The following ST18 variants were observed in gnomAD, a reference collection of about 807,000 sequenced individuals.
The protein encoded by ST18 is suppression of tumorigenicity 18 protein.
ST18 carries 50 observed loss-of-function variants against 110.0 expected under a neutral mutation model. That is an observed-to-expected ratio of 0.45 (90% CI 0.36 to 0.58). The LOEUF is 0.58. Among genes scored for constraint, ST18 ranks in the 20% least tolerant of loss-of-function variants. The probability of loss-of-function intolerance (pLI) is 0.00; values close to 1 mark genes in which losing one functional copy is unlikely to be tolerated. For missense variants in ST18, 1,306 were observed against 1,280.1 expected (o/e 1.02, Z -0.31); for synonymous variants, 461 against 452.4 (o/e 1.02, Z -0.24).
chr8:52,169,472 A>C (rs1435112857), intron 10 of ST18, among the ~76,000 whole-genome samples: 1 of 152,162 alleles, frequency 6.6e-6, no homozygotes, highest in Non-Finnish European at 1.5e-5. Flanking sequence ...AGTCTAACCA[A>C]ACTAATTTTA....
rs560719024 is a variant in ST18 at position 52,372,833 on chromosome 8, G to T, written c.-465+36495C>A. Reference sequence around the variant, plus strand: ...TCATTTCTCAAATCGTATCCCCATTGTTAAGTGACACATAACTATATAGCA... The same window carrying T: ...TCATTTCTCAAATCGTATCCCCATTTTTAAGTGACACATAACTATATAGCA... On this transcript the variant is annotated intron_variant, in intron 2 of 25. Coordinates refer to ENST00000689386, the MANE Select transcript of ST18 (RefSeq NM_001352837.2). 2.4e-4 allele frequency among the ~76,000 whole-genome samples: 36 copies of T among 152,296 alleles called. No homozygotes were observed. In the South Asian group the frequency reaches 7.4e-3, roughly 32 times the overall value.
chr8:52,135,568 C>CAAAAAAAAAAAAAAAAAAAAAAAAAAAA (rs71252929), intron 19 of ST18, among the ~76,000 whole-genome samples: 4 of 56,168 alleles, frequency 7.1e-5, no homozygotes, highest in Admixed American at 2.3e-4. Context: ...AACTCCATCT[C>CAAAAAAAAAAAAAAAAAAAAAAAAAAAA]AAAAAAAAAA....
chr8:52,215,412 T>A (rs555525864), intron 6 of ST18, among the ~76,000 whole-genome samples: 27 of 152,220 alleles, frequency 1.8e-4, no homozygotes, highest in Non-Finnish European at 3.5e-4. Context: ...ACACTATATA[T>A]TATGTTCAGT....
chr8:52,250,331 T>C (rs2094191084), intron 2 of ST18, among the ~76,000 whole-genome samples: 1 of 151,430 alleles, frequency 6.6e-6, no homozygotes, highest in Non-Finnish European at 1.5e-5. Context: ...CTTTTGCCTG[T>C]GCTCTATTTA....
intron 2 of ST18, among the ~76,000 whole-genome samples, chr8:52,359,048 C>T (rs1165359579): frequency 6.6e-6 from 1 of 151,436 alleles, no homozygotes; most frequent in Non-Finnish European, 1.5e-5. Flanking sequence ...GTGATTTATC[C>T]CAGGAATGCA....
chr8:52,123,144 G>A (rs2045654232), intron 23 of ST18, among the ~76,000 whole-genome samples: 1 of 152,100 alleles, frequency 6.6e-6, no homozygotes, highest in African/African-American at 2.4e-5. Context: ...GGCAAGGATG[G>A]AGAACTAAAG....
At chr8:52,140,074 G>T (rs1473505337) in intron 17 of ST18, among the ~76,000 whole-genome samples, 2 of 152,174 alleles carry the variant, frequency 1.3e-5, no homozygotes, top group Non-Finnish European at 2.9e-5. Flanking sequence ...TCCTAATCTA[G>T]ACAAAGTTTT....
At chr8:52,200,654 T>A (rs922046631) in intron 8 of ST18, among the ~76,000 whole-genome samples, 1 of 151,886 alleles carries the variant, frequency 6.6e-6, no homozygotes, top group Non-Finnish European at 1.5e-5. Flanking sequence ...GTGCTGACAG[T>A]GATTGGAGTG....
intron 2 of ST18, among the ~76,000 whole-genome samples, chr8:52,250,730 C>T (rs1279990760): frequency 6.6e-6 from 1 of 151,656 alleles, no homozygotes; most frequent in Non-Finnish European, 1.5e-5. Flanking sequence ...ATATTCTTAT[C>T]TTTATCATAG....
intron 2 of ST18, among the ~76,000 whole-genome samples, chr8:52,284,691 T>C (rs190661860): frequency 1.2e-4 from 18 of 152,252 alleles, no homozygotes; most frequent in Non-Finnish European, 2.2e-4. Context: ...TTACTGATGA[T>C]GGACCATGAG....
intron 2 of ST18, among the ~76,000 whole-genome samples, chr8:52,281,037 A>T (rs1356809249): frequency 6.6e-6 from 1 of 152,172 alleles, no homozygotes; most frequent in Non-Finnish European, 1.5e-5. Flanking sequence ...AGAGTAAGTT[A>T]AAACCACACA....
chr8:52,326,998 G>C (rs1806747130), intron 2 of ST18, among the ~76,000 whole-genome samples: 1 of 152,198 alleles, frequency 6.6e-6, no homozygotes, highest in Admixed American at 6.5e-5. Flanking sequence ...CTCTCAAAGT[G>C]CCACCGGAGA....
At chr8:52,404,183 A>T (rs1420471241) in intron 2 of ST18, 1 of 152,228 alleles carries the variant, frequency 6.6e-6, no homozygotes, top group East Asian at 1.9e-4. Flanking sequence ...CCATTAATTA[A>T]AAATAAATAA....
At chr8:52,192,023 G>A (rs185651497) in intron 8 of ST18, among the ~76,000 whole-genome samples, 87 of 152,272 alleles carry the variant, frequency 5.7e-4, no homozygotes, top group Admixed American at 2.2e-3. Flanking sequence ...ACCTGGCCAG[G>A]TGGAGTTGTC....
chr8:52,173,433 A>G (rs577294007), intron 9 of ST18, among the ~76,000 whole-genome samples: 31 of 152,292 alleles, frequency 2.0e-4, no homozygotes, highest in Admixed American at 7.8e-4. Context: ...CTGTCTGTCC[A>G]GGGTCCAGGA....
At chr8:52,376,346 C>T (rs1832369955) in intron 2 of ST18, among the ~76,000 whole-genome samples, 1 of 152,170 alleles carries the variant, frequency 6.6e-6, no homozygotes, top group Admixed American at 6.5e-5. Context: ...GCTCACCCAC[C>T]ACGAGGCCTC....
At chr8:52,173,054 G>A (rs1472051765) in intron 9 of ST18, among the ~76,000 whole-genome samples, 1 of 152,102 alleles carries the variant, frequency 6.6e-6, no homozygotes, top group Non-Finnish European at 1.5e-5. Context: ...TGTTAGCATG[G>A]CAATGTATTT....
intron 8 of ST18, among the ~76,000 whole-genome samples, chr8:52,189,371 C>A (rs1439130867): frequency 6.6e-6 from 1 of 152,152 alleles, no homozygotes; most frequent in Non-Finnish European, 1.5e-5. Context: ...CCTAGAAAAA[C>A]AATGGCCCAC....
At position 52,172,202 on chromosome 8, in the gene ST18, T is replaced by C; in HGVS notation, c.659A>G (p.Lys220Arg). The part of the protein sequence containing the change: ...SEETKPPRVP[K>R]YVLTDHKKDL... Reference sequence around the variant, plus strand: ...TTTTTTATGATCTGTTAAAACATACTTTGGGACTCTAGGTGGTTTGGTTTC... The same window carrying C: ...TTTTTTATGATCTGTTAAAACATACCTTGGGACTCTAGGTGGTTTGGTTTC... The change falls in exon 10 of 26, where the codon AAG becomes AGG. Residue 220 changes from lysine (K) to arginine (R), a missense_variant. Coordinates refer to ENST00000689386, the MANE Select transcript of ST18 (RefSeq NM_001352837.2). The C allele has an allele frequency of 1.2e-6, 2 of 1,614,198 alleles. No homozygotes were observed. The highest frequency in any genetic ancestry group is 1.7e-6 in the Non-Finnish European group (2 of 1,180,036).
Sources: gnomAD v4.1 joint callset for allele counts (sites outside exome capture counted in the v4.1 genomes callset) on GRCh38, gnomAD v4.1.1 for gene constraint, MANE v1.5 for transcripts, NCBI Gene and HGNC (gene_info 2026-07-23, HGNC 2026-07-21) for gene names.